SPATA31C1: variants seen among roughly 807,000 people sequenced by gnomAD.
The protein encoded by SPATA31C1 is SPATA31 subfamily C member 1, also known as spermatogenesis-associated protein 31C1.
chr9:87,919,241 TTCTTGTCTCCCAGCGTCA>T lies in SPATA31C1; in HGVS notation n.523-18_523-1del. ...AGAGCCGGTCCTAGCTCCTCGCCAT[TTCTTGTCTCCCAGCGTCA>T]TCTTGTCTCCCAGCGTCATCTTGTC... is the stretch of plus-strand genomic sequence containing the variant. On this transcript the variant is annotated intron_variant and non_coding_transcript_variant, in intron 2 of 4. Transcript: ENST00000420021. The T allele has an allele frequency of 2.2e-4, 343 of 1,538,598 alleles. 1 individual carries two copies. Among genetic ancestry groups the T allele is most frequent in the Admixed American group, 2.4e-4 (13 of 54,076 alleles).
Position 87,919,987 on chromosome 9 carries a change from T to TCC in SPATA31C1, n.641+14_641+15dup, listed in dbSNP as rs1392956068. Reference sequence around the variant, plus strand: ...TTCACAACTGCAGAGGTGAGGCACTTCCCCTTCCCTGCATCCTTCCTACCA... The same window carrying TCC: ...TTCACAACTGCAGAGGTGAGGCACTTCCCCCCTTCCCTGCATCCTTCCTACCA... On this transcript the variant is annotated intron_variant and non_coding_transcript_variant, in intron 4 of 4. Coordinates refer to ENST00000420021, the Ensembl canonical transcript of SPATA31C1. The TCC allele has an allele frequency of 6.2e-7, 1 of 1,608,080 alleles. No individual in the cohort carries two copies. The highest frequency in any genetic ancestry group is 1.3e-5 in the African/African-American group (1 of 74,784).
intron 1 of SPATA31C1, chr9:87,917,416 CAAAAAAATA>C (rs1319579822): frequency 3.2e-3 from 364 of 112,914 alleles, no homozygotes; most frequent in East Asian, 6.0e-3. Flanking sequence ...GACTCCGTCT[CAAAAAAATA>C]AAAAAAATAA....
chr9:87,916,249 C>T (rs1377225462), intron 1 of SPATA31C1, among the ~76,000 whole-genome samples: 1 of 122,338 alleles, frequency 8.2e-6, no homozygotes, highest in African/African-American at 3.2e-5. Flanking sequence ...AAGACTCCAT[C>T]TCAAAAAAAA....
At chr9:87,921,318 G>A in exon 5 of SPATA31C1, 1 of 1,612,022 alleles carries the variant, frequency 6.2e-7, no homozygotes, top group Non-Finnish European at 8.5e-7. Flanking sequence ...AAGGATCCAA[G>A]AGTCTCTGGA....
chr9:87,915,865 A>G (rs1252894567), intron 1 of SPATA31C1, among the ~76,000 whole-genome samples: 1 of 145,814 alleles, frequency 6.9e-6, no homozygotes, highest in East Asian at 2.1e-4. Context: ...CTCCCACTTT[A>G]TTCTTCTATT....
rs369238088 is a variant in SPATA31C1 at position 87,919,175 on chromosome 9, G to C, written n.523-116G>C. ...CTGAGCAAGACAGACAGAGCCATGC[G>C]GTTCATGAGTGCAGCGTGCTGCGGC... On this transcript the variant is annotated intron_variant and non_coding_transcript_variant, in intron 2 of 4. Transcript: ENST00000420021. The C allele has an allele frequency of 7.6e-5, 120 of 1,583,088 alleles. No homozygotes were observed. In the East Asian group the frequency reaches 1.2e-3, roughly 16 times the overall value.
chr9:87,916,325 A>G (rs1336749513), intron 1 of SPATA31C1, among the ~76,000 whole-genome samples: 1 of 146,384 alleles, frequency 6.8e-6, no homozygotes, highest in Non-Finnish European at 1.5e-5. Flanking sequence ...AGGTCCTAGG[A>G]CTTGATGAAT....
exon 3 of SPATA31C1, chr9:87,919,296 A>G (rs751657305): frequency 2.3e-6 from 3 of 1,316,390 alleles, no homozygotes; most frequent in South Asian, 3.2e-5. Flanking sequence ...CCCAGTGTCC[A>G]ACAGGGCGGA....
exon 5 of SPATA31C1, chr9:87,921,984 G>A (rs762100516): frequency 6.8e-6 from 11 of 1,613,272 alleles, no homozygotes; most frequent in Admixed American, 1.7e-5. Context: ...ACAGCTTGCT[G>A]GTCCCTCCTC....
At position 87,920,608 on chromosome 9, in the gene SPATA31C1, A is replaced by G. The variant is rs540972709; in HGVS notation, n.998A>G. The G allele has an allele frequency of 1.9e-6, 3 of 1,613,520 alleles. No individual in the cohort carries two copies. The African/African-American group carries it at 4.0e-5, about 22-fold the overall frequency. On this transcript the variant is annotated non_coding_transcript_exon_variant, in exon 5 of 5. Coordinates refer to ENST00000420021, the Ensembl canonical transcript of SPATA31C1. ...CTGGCCTGCTCTCCACCTCCTCCGAAAGGCTTCACTCCTCCTCCCCTGCGG... is the reference window on the plus strand; with the variant it reads ...CTGGCCTGCTCTCCACCTCCTCCGAGAGGCTTCACTCCTCCTCCCCTGCGG...
intron 1 of SPATA31C1, among the ~76,000 whole-genome samples, chr9:87,916,447 A>G (rs1443339401): frequency 6.7e-6 from 1 of 148,328 alleles, no homozygotes; most frequent in East Asian, 2.0e-4. Context: ...ATAAAAAGAC[A>G]GGGTAAAAAC....
At chr9:87,916,340 A>G (rs1487694346) in intron 1 of SPATA31C1, among the ~76,000 whole-genome samples, 539 of 146,828 alleles carry the variant, frequency 3.7e-3, no homozygotes, top group African/African-American at 0.013. Context: ...ATGAATAATT[A>G]TTAGACATGA....
At chr9:87,919,198 G>A (rs193124497) in intron 2 of SPATA31C1, 57 bp from the exon 2 acceptor site, 348 of 1,596,120 alleles carry the variant, frequency 2.2e-4, no homozygotes, top group Non-Finnish European at 2.7e-4. Flanking sequence ...AGCGTGCTGC[G>A]GCTGGGGGCA....
chr9:87,919,348 G>C lies in SPATA31C1; in HGVS notation n.580G>C, dbSNP rs767648105. Reference sequence around the variant, plus strand: ...CAGGATGAAAAACCACAGTCTGAGAGGTAAGGCTCTGCCAGGGCACACTAG... The same window carrying C: ...CAGGATGAAAAACCACAGTCTGAGACGTAAGGCTCTGCCAGGGCACACTAG... On this transcript the variant is annotated splice_region_variant and non_coding_transcript_exon_variant, in exon 3 of 5. Coordinates refer to ENST00000420021, the Ensembl canonical transcript of SPATA31C1. 2.5e-6 allele frequency: 4 copies of C among 1,602,422 alleles called. No individual in the cohort carries two copies. In the African/African-American group the frequency reaches 4.0e-5, roughly 16 times the overall value.
At chr9:87,920,353 C>T (rs1828818268) in exon 5 of SPATA31C1, 1 of 1,613,984 alleles carries the variant, frequency 6.2e-7, no homozygotes, top group Non-Finnish European at 8.5e-7. Flanking sequence ...GCCTCCCGGT[C>T]CTCTCATGAG....
At chr9:87,920,600 T>A in exon 5 of SPATA31C1, 8 of 1,613,530 alleles carry the variant, frequency 5.0e-6, no homozygotes, top group Non-Finnish European at 6.8e-6. Context: ...GCTCTCCACC[T>A]CCTCCGAAAG....
chr9:87,919,203 G>T, intron 2 of SPATA31C1, 52 bp from the exon 2 acceptor site: 1 of 1,596,802 alleles, frequency 6.3e-7, no homozygotes, highest in South Asian at 1.1e-5. Context: ...GCTGCGGCTG[G>T]GGGCAGAGAG....
intron 2 of SPATA31C1, 124 bp from the exon 2 acceptor site, chr9:87,919,131 A>T (rs1233158500): frequency 2.8e-6 from 4 of 1,418,426 alleles, no homozygotes; most frequent in Non-Finnish European, 3.9e-6. Context: ...GTGGGAGGGG[A>T]GAAAGCACAC....
chr9:87,918,993 C>T, intron 2 of SPATA31C1: 1 of 437,356 alleles, frequency 2.3e-6, no homozygotes, highest in Non-Finnish European at 4.4e-6. Context: ...TGGTCTCAAA[C>T]TCTTGACCTC....
Sources: gnomAD v4.1 joint callset for allele counts (sites outside exome capture counted in the v4.1 genomes callset) on GRCh38, gnomAD v4.1.1 for gene constraint, MANE v1.5 for transcripts, NCBI Gene and HGNC (gene_info 2026-07-23, HGNC 2026-07-21) for gene names.